GPR63: variants seen among roughly 807,000 people sequenced by gnomAD.
GPR63 encodes the protein G protein-coupled receptor 63, also known as probable G protein-coupled receptor 63.
A neutral mutation model predicts 23.1 loss-of-function variants in GPR63; 12 were observed. The ratio of observed to expected loss-of-function variants is 0.52; its 90% CI spans 0.33 to 0.84. The LOEUF (loss-of-function observed/expected upper bound fraction) is 0.84, where lower values mean the gene tolerates loss of function less well. Ranked by LOEUF, GPR63 falls within the 40% of genes least tolerant of loss-of-function variation. The probability of loss-of-function intolerance (pLI) is 0.02; values close to 1 mark genes in which losing one functional copy is unlikely to be tolerated. For synonymous variants in GPR63, 172 were observed against 191.1 expected (o/e 0.90, Z 0.82); for missense variants, 472 against 515.6 (o/e 0.92, Z 0.82).
At position 96,798,465 on chromosome 6, in the gene GPR63, C is replaced by T; in HGVS notation, c.*7G>A. The T allele has an allele frequency of 3.1e-6, 5 of 1,607,988 alleles. No individual in the cohort carries two copies. The highest frequency in any genetic ancestry group is 4.3e-6 in the Non-Finnish European group (5 of 1,175,710). On this transcript the variant is annotated 3_prime_UTR_variant, in exon 2 of 2. Coordinates refer to ENST00000229955, the MANE Select transcript of GPR63 (RefSeq NM_030784.4). ...GCATCACCCAAAATGTCAGCCAGTTCCAATATTCACACCACCGTCCGATGT... is the reference window on the plus strand; with the variant it reads ...GCATCACCCAAAATGTCAGCCAGTTTCAATATTCACACCACCGTCCGATGT...
At chr6:96,826,560 C>G (rs2127958862) in intron 1 of GPR63, among the ~76,000 whole-genome samples, 1 of 152,148 alleles carries the variant, frequency 6.6e-6, no homozygotes, top group Admixed American at 6.5e-5. Flanking sequence ...TAGTTAAGGT[C>G]TGCTTATTAA....
At position 96,798,492 on chromosome 6, in the gene GPR63, C is replaced by T. The variant is rs142431486; in HGVS notation, c.1240G>A (p.Glu414Lys). 8.1e-6 allele frequency: 13 copies of T among 1,613,642 alleles called. No individual in the cohort carries two copies. The African/African-American group carries it at 1.1e-4, about 13-fold the overall frequency. The change falls in exon 2 of 2, where the codon GAA (glutamate) becomes AAA (lysine). Residue 414 changes from glutamate to lysine, a missense_variant. Glu to Lys is a moderately conservative substitution (Grantham distance 56). Coordinates refer to ENST00000229955, the MANE Select transcript of GPR63 (RefSeq NM_030784.4). The part of the protein sequence containing the change: ...IRPSAVYVCG[E>K]HRTVV ...AATATTCACACCACCGTCCGATGTT[C>T]CCCACACACATAGACAGCACTAGGA...
chr6:96,808,116 T>A (rs924316058), intron 1 of GPR63, among the ~76,000 whole-genome samples: 2 of 152,226 alleles, frequency 1.3e-5, no homozygotes, highest in Non-Finnish European at 2.9e-5. Flanking sequence ...AACATATTGC[T>A]AAATTTAAAA....
chr6:96,807,254 C>A (rs1202753092), intron 1 of GPR63, among the ~76,000 whole-genome samples: 1 of 152,228 alleles, frequency 6.6e-6, no homozygotes, highest in Admixed American at 6.5e-5. Context: ...TCATGAACAA[C>A]ATAGCCATGG....
At chr6:96,832,520 G>GC (rs1774614144) in intron 1 of GPR63, among the ~76,000 whole-genome samples, 1 of 150,638 alleles carries the variant, frequency 6.6e-6, no homozygotes, top group African/African-American at 2.5e-5. Flanking sequence ...GAATCCTCCC[G>GC]CCTCGGCCTC....
intron 1 of GPR63, among the ~76,000 whole-genome samples, chr6:96,836,253 C>G (rs1774725571): frequency 6.6e-6 from 1 of 152,080 alleles, no homozygotes; most frequent in South Asian, 2.1e-4. Flanking sequence ...AAATGAAACA[C>G]GTATTACATA....
At chr6:96,808,061 CATA>C (rs1436574734) in intron 1 of GPR63, among the ~76,000 whole-genome samples, 2 of 152,124 alleles carry the variant, frequency 1.3e-5, no homozygotes, top group Admixed American at 6.6e-5. Context: ...ACTAGAAAAA[CATA>C]ATACTTTGTT....
intron 1 of GPR63, among the ~76,000 whole-genome samples, chr6:96,829,771 T>C (rs1008131675): frequency 2.6e-5 from 4 of 151,914 alleles, no homozygotes; most frequent in Non-Finnish European, 5.9e-5. Flanking sequence ...ATTTACACTC[T>C]GAACAAAGCA....
intron 1 of GPR63, among the ~76,000 whole-genome samples, chr6:96,814,420 C>G (rs1450941130): frequency 6.6e-6 from 1 of 152,084 alleles, no homozygotes; most frequent in Non-Finnish European, 1.5e-5. Context: ...TACCATGTAC[C>G]AGACCTTAAC....
chr6:96,809,021 T>C (rs1773973394), intron 1 of GPR63, among the ~76,000 whole-genome samples: 1 of 150,944 alleles, frequency 6.6e-6, no homozygotes, highest in Non-Finnish European at 1.5e-5. Flanking sequence ...TTCTTCAAGA[T>C]GGTTTTATTC....
chr6:96,835,001 C>CTA (rs1346097706), intron 1 of GPR63, among the ~76,000 whole-genome samples: 1 of 152,128 alleles, frequency 6.6e-6, no homozygotes, highest in East Asian at 1.9e-4. Flanking sequence ...GAAGAAAACA[C>CTA]TATATTGACA....
chr6:96,814,254 T>C (rs553501197), intron 1 of GPR63, among the ~76,000 whole-genome samples: 28 of 152,222 alleles, frequency 1.8e-4, no homozygotes, highest in Non-Finnish European at 2.8e-4. Context: ...CAAGGTCACA[T>C]AGCTGGTAAA....
intron 1 of GPR63, among the ~76,000 whole-genome samples, chr6:96,832,450 T>A (rs1326879197): frequency 6.8e-6 from 1 of 147,636 alleles, no homozygotes; most frequent in Admixed American, 6.8e-5. Context: ...TTTTTTTACT[T>A]TTTGGAGAGA....
intron 1 of GPR63, among the ~76,000 whole-genome samples, chr6:96,801,927 A>T (rs563160923): frequency 2.0e-5 from 3 of 152,178 alleles, no homozygotes; most frequent in Non-Finnish European, 4.4e-5. Flanking sequence ...GCCTCTATAG[A>T]AGTACCCTAA....
Position 96,799,739 on chromosome 6 carries a change from G to A in GPR63, c.-8C>T, listed in dbSNP as rs758455314. 4.3e-6 allele frequency: 7 copies of A among 1,614,046 alleles called. No individual in the cohort carries two copies. In the African/African-American group the frequency reaches 9.3e-5, roughly 22 times the overall value. ...CACTGCCGAGAAGACCATGGTTTCAGTAGGATGGAAGATGCAAGCAGAGAT... is the reference window on the plus strand; with the variant it reads ...CACTGCCGAGAAGACCATGGTTTCAATAGGATGGAAGATGCAAGCAGAGAT... On this transcript the variant is annotated 5_prime_UTR_variant, in exon 2 of 2. Transcript: ENST00000229955.
At chr6:96,811,472 C>T (rs548397221) in intron 1 of GPR63, among the ~76,000 whole-genome samples, 5 of 152,322 alleles carry the variant, frequency 3.3e-5, no homozygotes, top group South Asian at 4.1e-4. Context: ...GAGCATCTCT[C>T]TCTCATTCTG....
rs1475345434 is a variant in GPR63, at chr6:96,799,837, T to C, written c.-106A>G. The C allele has an allele frequency of 8.8e-7, 1 of 1,134,804 alleles. No homozygotes were observed. The highest frequency in any genetic ancestry group is 2.4e-5 in the East Asian group (1 of 41,812). The allele number at this position is 1,134,804 out of a possible 1,614,324, so 70.3% of individuals were successfully genotyped here. Reference sequence around the variant, plus strand: ...CATTGATGGGCTTGGAAATACATTCTGGAAAATGGACAATGAGTTCCATCT... The same window carrying C: ...CATTGATGGGCTTGGAAATACATTCCGGAAAATGGACAATGAGTTCCATCT... On this transcript the variant is annotated 5_prime_UTR_variant, in exon 2 of 2. Transcript: ENST00000229955.
At chr6:96,837,123 C>G (rs1774751908) in intron 1 of GPR63, 145 bp downstream of exon 1, 1 of 152,816 alleles carries the variant, frequency 6.5e-6, no homozygotes, top group Non-Finnish European at 1.5e-5. Flanking sequence ...GGCACAACTT[C>G]GGTCTCTCCA....
chr6:96,806,461 G>C (rs1773901022), intron 1 of GPR63, among the ~76,000 whole-genome samples: 1 of 152,152 alleles, frequency 6.6e-6, no homozygotes, highest in Admixed American at 6.5e-5. Flanking sequence ...ATAAGAGAAG[G>C]CTCCACAACA....
Sources: allele counts gnomAD v4.1 joint callset (sites outside exome capture counted in the v4.1 genomes callset), GRCh38; gene constraint gnomAD v4.1.1; transcripts MANE v1.5; gene names NCBI Gene and HGNC (gene_info 2026-07-23, HGNC 2026-07-21).